The following DNMT3A variants were observed in gnomAD, a reference collection of about 807,000 sequenced individuals.
DNMT3A encodes the protein DNA methyltransferase 3 alpha.
A neutral mutation model predicts 117.6 loss-of-function variants in DNMT3A; 267 were observed. The observed-to-expected ratio is 2.27, with a 90% CI of 2.05 to 2.51. DNMT3A has a LOEUF of 2.51. Among genes scored for constraint, DNMT3A ranks in the 30% most tolerant of loss-of-function variants. The pLI is 0.00. For synonymous variants in DNMT3A, 432 were observed against 474.8 expected (o/e 0.91, Z 1.17); for missense variants, 1,029 against 1,260.2 (o/e 0.82, Z 2.78).
intron 4 of DNMT3A, among the ~76,000 whole-genome samples, chr2:25,279,121 C>G (rs1167037070): frequency 6.6e-6 from 1 of 152,156 alleles, no homozygotes. Context: ...ATCATTATGG[C>G]ATTAATGCTG....
intron 2 of DNMT3A, among the ~76,000 whole-genome samples, chr2:25,312,438 G>A (rs1321708330): frequency 2.0e-5 from 3 of 152,238 alleles, no homozygotes; most frequent in Non-Finnish European, 4.4e-5. Flanking sequence ...CTGACTGGGT[G>A]CACACACCCC....
rs2384147 is a variant in DNMT3A at position 25,310,355 on chromosome 2, C to A, written c.72+3558G>T. 6.2e-3 allele frequency among the ~76,000 whole-genome samples: 935 copies of A among 151,770 alleles called. 14 individuals carry two copies. Among genetic ancestry groups the A allele is most frequent in the African/African-American group, 0.021 (876 of 41,330 alleles). ...CCACCCACCCTCCATGAGGCCAGCC[C>A]CCTCCCTCTGCTGCGGCAACATTTA... On this transcript the variant is annotated intron_variant, in intron 2 of 22. Coordinates refer to ENST00000321117, the MANE Select transcript of DNMT3A (RefSeq NM_022552.5).
chr2:25,248,693 A>G (rs565379435), intron 6 of DNMT3A, among the ~76,000 whole-genome samples: 155 of 152,132 alleles, frequency 1.0e-3, no homozygotes, highest in Non-Finnish European at 1.8e-3. Flanking sequence ...GATTACAGGC[A>G]TGTACCACCA....
chr2:25,333,340 T>C (rs1327508127), intron 1 of DNMT3A, among the ~76,000 whole-genome samples: 2 of 151,726 alleles, frequency 1.3e-5, no homozygotes, highest in African/African-American at 4.8e-5. Flanking sequence ...TTTTTTTTTT[T>C]TTCTTTTGAG....
At chr2:25,239,387 T>C (rs1393911536) in intron 19 of DNMT3A, 172 bp from the exon 20 acceptor site, 2 of 674,144 alleles carry the variant, frequency 3.0e-6, no homozygotes, top group Non-Finnish European at 5.6e-6. Context: ...CTAGCCACAT[T>C]CCACAAGCTG....
At position 25,282,092 on chromosome 2, in the gene DNMT3A, A is replaced by T; in HGVS notation, c.448+349T>A. On this transcript the variant is annotated intron_variant, in intron 4 of 22. Coordinates refer to ENST00000321117, the MANE Select transcript of DNMT3A (RefSeq NM_022552.5). The surrounding 1 kb of genome is among the most constrained non-coding windows in gnomAD (Gnocchi z 5.2). ...ACCAGCCACAGAAGGCGATGGAGGG[A>T]CCGCCATTATCCCAGTCTAGCAATC... The T allele has an allele frequency of 8.8e-7, 1 of 1,132,806 alleles. No homozygotes were observed. The highest frequency in any genetic ancestry group is 1.1e-6 in the Non-Finnish European group (1 of 893,450). The allele number at this position is 1,132,806 out of a possible 1,614,324, so 70.2% of individuals were successfully genotyped here.
At chr2:25,272,099 G>A (rs1330692434) in intron 6 of DNMT3A, among the ~76,000 whole-genome samples, 2 of 152,146 alleles carry the variant, frequency 1.3e-5, no homozygotes, top group African/African-American at 4.8e-5. Context: ...TGATTCTCCT[G>A]CCTCAGCCTC....
At position 25,282,830 on chromosome 2, in the gene DNMT3A, G is replaced by T; in HGVS notation, c.178-119C>A. The T allele has an allele frequency of 7.8e-7, 1 of 1,283,804 alleles. No individual in the cohort carries two copies. The highest frequency in any genetic ancestry group is 1.0e-6 in the Non-Finnish European group (1 of 958,624). 79.5% of individuals were successfully genotyped at this position (1,283,804 alleles called of 1,614,324 possible). On this transcript the variant is annotated intron_variant, in intron 3 of 22. Transcript: ENST00000321117. The surrounding 1 kb of genome is among the most constrained non-coding windows in gnomAD (Gnocchi z 5.2). Reference sequence around the variant, plus strand: ...TATGCACTTTCTGTCCAGAAACTGTGTTCATATAAACCTTCATGCAAACAG... The same window carrying T: ...TATGCACTTTCTGTCCAGAAACTGTTTTCATATAAACCTTCATGCAAACAG...
intron 3 of DNMT3A, among the ~76,000 whole-genome samples, chr2:25,292,312 T>C (rs2032816615): frequency 6.6e-6 from 1 of 152,034 alleles, no homozygotes. Context: ...ATCGCACCAC[T>C]GCACTCCGGC....
chr2:25,330,232 A>G (rs1437126742), intron 1 of DNMT3A, among the ~76,000 whole-genome samples: 2 of 152,152 alleles, frequency 1.3e-5, no homozygotes. Context: ...TTTGATTACA[A>G]CGCCACACCC....
chr2:25,336,437 C>T (rs2149452173), intron 1 of DNMT3A, among the ~76,000 whole-genome samples: 1 of 152,308 alleles, frequency 6.6e-6, no homozygotes, highest in East Asian at 1.9e-4. Flanking sequence ...TCAACCATGA[C>T]TGCTATCACT....
chr2:25,246,481 G>C, intron 10 of DNMT3A, 139 bp downstream of exon 10: 1 of 1,441,050 alleles, frequency 6.9e-7, no homozygotes, highest in Non-Finnish European at 9.3e-7. Flanking sequence ...CCTGACCCCA[G>C]GGCAAGAGAG....
At chr2:25,272,481 T>C (rs1425183232) in intron 6 of DNMT3A, among the ~76,000 whole-genome samples, 1 of 152,200 alleles carries the variant, frequency 6.6e-6, no homozygotes. Context: ...CTAAAAGTCA[T>C]AGTCTAAGCT....
chr2:25,280,191 C>T (rs2031776952), intron 4 of DNMT3A, among the ~76,000 whole-genome samples: 1 of 152,142 alleles, frequency 6.6e-6, no homozygotes, highest in Admixed American at 6.5e-5. Flanking sequence ...ATCAGCCCCT[C>T]CGATGTCATC....
At chr2:25,334,856 C>T (rs1314273056) in intron 1 of DNMT3A, among the ~76,000 whole-genome samples, 1 of 152,230 alleles carries the variant, frequency 6.6e-6, no homozygotes, top group Non-Finnish European at 1.5e-5. Context: ...AAAAAGAGTC[C>T]ATCCCTCAGC....
At chr2:25,253,828 C>T (rs1170778795) in intron 6 of DNMT3A, among the ~76,000 whole-genome samples, 2 of 152,178 alleles carry the variant, frequency 1.3e-5, no homozygotes, top group Non-Finnish European at 2.9e-5. Context: ...AATCCCAGCA[C>T]TTTGGAAGGC....
rs1389609968 is a variant in DNMT3A, at chr2:25,252,248, C to A, written c.640-3996G>T. The stretch of plus-strand genomic sequence containing the variant: ...TCGCGCTCAGGTGTGAGCCGCGGCC[C>A]TGAAGCTCTGGAAGTAGCTGCCCGT... On this transcript the variant is annotated intron_variant, in intron 6 of 22. Coordinates refer to ENST00000321117, the MANE Select transcript of DNMT3A (RefSeq NM_022552.5). The surrounding 1 kb of genome is among the most constrained non-coding windows in gnomAD (Gnocchi z 5.5). The A allele has an allele frequency of 6.8e-7, 1 of 1,466,632 alleles. No homozygotes were observed. Among genetic ancestry groups the A allele is most frequent in the Admixed American group, 2.2e-5 (1 of 45,266 alleles). The allele number at this position is 1,466,632 out of a possible 1,614,324, so 90.9% of individuals were successfully genotyped here. A position where few individuals can be genotyped will look rare whatever the true frequency, so the allele number is the denominator to read the frequency against.
chr2:25,284,645 TAAAAAAAAAAAAAAAAAAAAA>T (rs56901099), intron 3 of DNMT3A, among the ~76,000 whole-genome samples: 1 of 16,632 alleles, frequency 6.0e-5, no homozygotes, highest in African/African-American at 4.1e-4. Flanking sequence ...AGACTCCATC[TAAAAAAAAAAAAAAAAAAAAA>T]AAAAAAAAAG....
chr2:25,268,549 G>T (rs1213609265), intron 6 of DNMT3A, among the ~76,000 whole-genome samples: 1 of 152,186 alleles, frequency 6.6e-6, no homozygotes, highest in Non-Finnish European at 1.5e-5. Context: ...TTTGCTCTGA[G>T]AATTAGAAGG....
Sources: allele counts gnomAD v4.1 joint callset (sites outside exome capture counted in the v4.1 genomes callset), GRCh38; gene constraint gnomAD v4.1.1; non-coding constraint Gnocchi (gnomAD v3.1); transcripts MANE v1.5; gene names NCBI Gene and HGNC (gene_info 2026-07-23, HGNC 2026-07-21).